Variants in PPARGC1B observed in about 807,000 individuals in gnomAD.
The protein encoded by PPARGC1B is PPARG coactivator 1 beta, also known as peroxisome proliferator-activated receptor gamma coactivator 1-beta.
Under a neutral mutation model 101.6 loss-of-function variants are expected in PPARGC1B, and 34 were observed. The ratio of observed to expected loss-of-function variants is 0.33; its 90% CI spans 0.25 to 0.45. PPARGC1B has a LOEUF of 0.45. Among genes scored for constraint, PPARGC1B ranks in the 20% least tolerant of loss-of-function variants. The probability of loss-of-function intolerance (pLI) is 1.00; values close to 1 mark genes in which losing one functional copy is unlikely to be tolerated. For synonymous variants in PPARGC1B, 548 were observed against 539.3 expected (o/e 1.02, Z -0.22); for missense variants, 1,234 against 1,317.6 (o/e 0.94, Z 0.98).
At chr5:149,772,067 C>T in intron 1 of PPARGC1B, 1 of 1,559,344 alleles carries the variant, frequency 6.4e-7, no homozygotes, top group South Asian at 1.2e-5. Context: ...CAGGTGGGGA[C>T]CTCTGAGGGG....
chr5:149,800,650 G>A (rs1484170206), intron 1 of PPARGC1B, among the ~76,000 whole-genome samples: 6 of 152,192 alleles, frequency 3.9e-5, no homozygotes, highest in Admixed American at 1.3e-4. Context: ...AACAGCCTCC[G>A]CTGTTTTTGC....
intron 1 of PPARGC1B, among the ~76,000 whole-genome samples, chr5:149,773,353 T>C (rs1380925871): frequency 2.0e-5 from 3 of 152,244 alleles, no homozygotes; most frequent in African/African-American, 7.2e-5. Flanking sequence ...CTGTCTGCCA[T>C]GTTTTGTGCA....
chr5:149,760,593 G>T (rs369257944), intron 1 of PPARGC1B, among the ~76,000 whole-genome samples: 132 of 152,344 alleles, frequency 8.7e-4, no homozygotes, highest in African/African-American at 3.0e-3. Context: ...TGTAGAGAAG[G>T]CAGGGACACG....
At chr5:149,775,944 C>T (rs975206747) in intron 1 of PPARGC1B, among the ~76,000 whole-genome samples, 1 of 152,154 alleles carries the variant, frequency 6.6e-6, no homozygotes, top group Non-Finnish European at 1.5e-5. Flanking sequence ...TCTCCCTGAC[C>T]TAACAAATTC....
chr5:149,777,612 C>T (rs1756414423), intron 1 of PPARGC1B, among the ~76,000 whole-genome samples: 1 of 152,146 alleles, frequency 6.6e-6, no homozygotes, highest in South Asian at 2.1e-4. Context: ...CCTCTTCACT[C>T]CTTTTACAGA....
chr5:149,745,588 T>C (rs897177525), intron 1 of PPARGC1B, among the ~76,000 whole-genome samples: 11 of 152,110 alleles, frequency 7.2e-5, no homozygotes, highest in Non-Finnish European at 1.5e-4. Context: ...GGCTAGCATT[T>C]AGGATGAATG....
chr5:149,824,645 C>T (rs1281269041), intron 2 of PPARGC1B, among the ~76,000 whole-genome samples: 1 of 152,192 alleles, frequency 6.6e-6, no homozygotes, highest in Non-Finnish European at 1.5e-5. Flanking sequence ...TCTTAACTCT[C>T]CATCAAGCTG....
rs60318160 is a variant in PPARGC1B, at chr5:149,737,470, C to G, written c.78+7050C>G. On this transcript the variant is annotated intron_variant, in intron 1 of 11. Transcript: ENST00000309241. Reference sequence around the variant, plus strand: ...TTCTCCATTTCCATGATTCATCCTGCGAGCCCCTGCTCACCAGCCACTGTT... The same window carrying G: ...TTCTCCATTTCCATGATTCATCCTGGGAGCCCCTGCTCACCAGCCACTGTT... 4.6e-5 allele frequency among the ~76,000 whole-genome samples: 7 copies of G among 152,246 alleles called. No individual in the cohort carries two copies. In the South Asian group the frequency reaches 1.5e-3, roughly 32 times the overall value.
rs1336407482 is a variant in PPARGC1B at position 149,833,302 on chromosome 5, G to A, written c.1229G>A (p.Arg410His). The stretch of plus-strand genomic sequence containing the variant: ...AGCACCGGGCCCAGACCAAGCCTGC[G>A]CCCACTGCGGCTGGAGGTGAAAAGG... ...PKSTGPRPSL[R>H]PLRLEVKREV... The change falls in exon 5 of 12, where the codon CGC (arginine) becomes CAC (histidine). Residue 410 changes from arginine (R) to histidine (H), a missense_variant. Arg to His is a conservative substitution (Grantham distance 29, BLOSUM62 0). This residue lies in a region of PPARGC1B where 734 missense variants were observed against 768.4 expected (regional missense o/e 0.96). Coordinates refer to ENST00000309241, the MANE Select transcript of PPARGC1B (RefSeq NM_133263.4). This position sits in a 1 kb window ranked among gnomAD's most constrained non-coding sequence, Gnocchi z 4.1. 6.8e-6 allele frequency: 11 copies of A among 1,613,456 alleles called. No individual in the cohort carries two copies. Among genetic ancestry groups the A allele is most frequent in the East Asian group, 2.2e-5 (1 of 44,880 alleles).
chr5:149,750,492 TAA>T, intron 1 of PPARGC1B, among the ~76,000 whole-genome samples: 1 of 105,148 alleles, frequency 9.5e-6, no homozygotes, highest in Non-Finnish European at 2.0e-5. Context: ...ATATATATGT[TAA>T]TAGGGGAAGG....
chr5:149,781,478 C>T (rs2113224014), intron 1 of PPARGC1B, among the ~76,000 whole-genome samples: 1 of 152,352 alleles, frequency 6.6e-6, no homozygotes, highest in African/African-American at 2.4e-5. Context: ...CTGTCTGCCT[C>T]TCAGTCTTCT....
chr5:149,771,844 C>T (rs1156241314), intron 1 of PPARGC1B: 3 of 420,976 alleles, frequency 7.1e-6, no homozygotes, highest in African/African-American at 6.2e-5. Context: ...GTAGCATTTT[C>T]AGGTGTCCAG....
intron 1 of PPARGC1B, among the ~76,000 whole-genome samples, chr5:149,738,579 T>G (rs1754807273): frequency 6.6e-6 from 1 of 151,382 alleles, no homozygotes. Flanking sequence ...TTAAGCCCCC[T>G]CTTGAAAGCC....
At chr5:149,781,948 G>A (rs1756617754) in intron 1 of PPARGC1B, among the ~76,000 whole-genome samples, 1 of 151,974 alleles carries the variant, frequency 6.6e-6, no homozygotes, top group South Asian at 2.1e-4. Flanking sequence ...GCCATTCCTG[G>A]TCAGTACCAA....
intron 1 of PPARGC1B, among the ~76,000 whole-genome samples, chr5:149,782,453 G>A (rs145559308): frequency 1.4e-3 from 206 of 152,308 alleles, no homozygotes; most frequent in Non-Finnish European, 2.1e-3. Flanking sequence ...CTGGGGGCTG[G>A]AAGCAGTAGC....
intron 2 of PPARGC1B, among the ~76,000 whole-genome samples, chr5:149,825,854 C>A (rs32582): frequency 0.22 from 33,855 of 152,082 alleles, 3,972 homozygotes; most frequent in African/African-American, 0.28. Flanking sequence ...ATCGTCATGG[C>A]AGAAATCGTG....
At chr5:149,790,180 T>A (rs567505682) in intron 1 of PPARGC1B, among the ~76,000 whole-genome samples, 10 of 152,248 alleles carry the variant, frequency 6.6e-5, no homozygotes, top group African/African-American at 2.2e-4. Flanking sequence ...TACTAAATAC[T>A]CAGTATGAGG....
chr5:149,757,130 G>C (rs1755558870), intron 1 of PPARGC1B, among the ~76,000 whole-genome samples: 2 of 152,208 alleles, frequency 1.3e-5, no homozygotes, highest in African/African-American at 2.4e-5. Flanking sequence ...GGTTATGCTA[G>C]AAAGTGCGGT....
intron 1 of PPARGC1B, among the ~76,000 whole-genome samples, chr5:149,742,317 G>C (rs1011579148): frequency 3.3e-5 from 5 of 152,168 alleles, no homozygotes; most frequent in African/African-American, 9.7e-5. Context: ...ACACTGCAAG[G>C]CTCAGCTCAA....
Sources: gnomAD v4.1 joint callset for allele counts (sites outside exome capture counted in the v4.1 genomes callset) on GRCh38, gnomAD v4.1.1 for gene constraint, gnomAD v4.1.1 regional missense constraint, Gnocchi (gnomAD v3.1) non-coding constraint, MANE v1.5 for transcripts, NCBI Gene and HGNC (gene_info 2026-07-23, HGNC 2026-07-21) for gene names.